HDGFL3: variants seen among roughly 807,000 people sequenced by gnomAD.
HDGFL3 encodes the protein hepatoma-derived growth factor-related protein 3.
Under a neutral mutation model 27.6 loss-of-function variants are expected in HDGFL3, and 6 were observed. The observed-to-expected ratio is 0.22, with a 90% CI of 0.12 to 0.43. The LOEUF (loss-of-function observed/expected upper bound fraction) is 0.43. HDGFL3 is among the 20% of genes least tolerant of loss of function. The probability of loss-of-function intolerance (pLI) is 1.00; values close to 1 mark genes in which losing one functional copy is unlikely to be tolerated. For missense variants in HDGFL3, 207 were observed against 250.1 expected, an observed-to-expected ratio of 0.83 and a Z score of 1.16; for synonymous variants, 88 against 88.9, an observed-to-expected ratio of 0.99 and a Z score of 0.05.
chr15:83,194,578 AT>A (rs532025326), intron 1 of HDGFL3, among the ~76,000 whole-genome samples: 5 of 151,940 alleles, frequency 3.3e-5, no homozygotes, highest in African/African-American at 9.7e-5. Flanking sequence ...TACAATTAAA[AT>A]TTTTTTTTAA....
chr15:83,150,915 T>A (rs2036955891), intron 5 of HDGFL3, among the ~76,000 whole-genome samples: 2 of 152,146 alleles, frequency 1.3e-5, no homozygotes, highest in African/African-American at 4.8e-5. Flanking sequence ...AATTTTGGGG[T>A]GGCATTTCAT....
chr15:83,121,030 A>G (rs1044462465), intron 3 of HDGFL3, among the ~76,000 whole-genome samples: 1 of 151,842 alleles, frequency 6.6e-6, no homozygotes, highest in African/African-American at 2.4e-5. Context: ...AGCCTGTTAC[A>G]TAGTGTGGAG....
At chr15:83,169,132 T>C (rs914723351) in intron 1 of HDGFL3, 35 of 389,276 alleles carry the variant, frequency 9.0e-5, no homozygotes, top group South Asian at 6.5e-4. Context: ...ATAAGAGCCA[T>C]ATATGATAAA....
intron 1 of HDGFL3, among the ~76,000 whole-genome samples, chr15:83,203,271 G>T (rs894843382): frequency 6.6e-6 from 1 of 152,032 alleles, no homozygotes; most frequent in Non-Finnish European, 1.5e-5. Context: ...GGTATGGGAA[G>T]AAAACAGAAT....
Position 83,157,515 on chromosome 15 carries a change from G to A in HDGFL3, c.359C>T (p.Ala120Val), listed in dbSNP as rs1168390472. Residue 120 changes from alanine (A) to valine (V), a missense_variant, in exon 4 of 6, where the codon GCA becomes GTA. Transcript: ENST00000299633. Reference protein sequence around the residue: ...TEGEGGNTADASSEEEGDRVE... With the variant: ...TEGEGGNTADVSSEEEGDRVE... Reference sequence around the variant, plus strand: ...TCTATCACCTTCTTCCTCACTGCTTGCATCTGCAGTATTTCCACCTTCTCC... The same window carrying A: ...TCTATCACCTTCTTCCTCACTGCTTACATCTGCAGTATTTCCACCTTCTCC... 6.2e-6 allele frequency: 10 copies of A among 1,613,166 alleles called. No individual in the cohort carries two copies. The highest frequency in any genetic ancestry group is 1.7e-5 in the Admixed American group (1 of 60,002).
At chr15:83,164,885 G>A (rs1422303202) in intron 1 of HDGFL3, among the ~76,000 whole-genome samples, 3 of 152,210 alleles carry the variant, frequency 2.0e-5, no homozygotes, top group Non-Finnish European at 4.4e-5. Flanking sequence ...CTCATGCCAT[G>A]ATTCGGCAGT....
In HDGFL3 at chr15:83,135,586, C is replaced by T. The variant is rs2036550724; in HGVS notation, c.*3684G>A. 6.6e-6 allele frequency: 1 copy of T among 152,084 alleles called. No individual in the cohort carries two copies. Among genetic ancestry groups the T allele is most frequent in the Admixed American group, 6.6e-5 (1 of 15,252 alleles). The allele number at this position is 152,084 out of a possible 1,614,324, so 9.4% of individuals were successfully genotyped here. A position where few individuals can be genotyped will look rare whatever the true frequency, so the allele number is the denominator to read the frequency against. ...AATTTTCTGACAGGAGCTTTTAATC[C>T]TGCTGTGGTCTGTTTTACCCTTTCC... On this transcript the variant is annotated 3_prime_UTR_variant, in exon 6 of 6. Coordinates refer to ENST00000299633, the MANE Select transcript of HDGFL3 (RefSeq NM_016073.4).
chr15:83,167,814 C>A (rs940957513), intron 1 of HDGFL3, among the ~76,000 whole-genome samples: 1 of 152,110 alleles, frequency 6.6e-6, no homozygotes, highest in Admixed American at 6.5e-5. Flanking sequence ...GATTTAAACT[C>A]AACACTTGGA....
At chr15:83,151,539 CT>C (rs2036963652) in intron 4 of HDGFL3, among the ~76,000 whole-genome samples, 178 bp from the exon 5 acceptor site, 1 of 152,136 alleles carries the variant, frequency 6.6e-6, no homozygotes, top group South Asian at 2.1e-4. Context: ...ATCATTTCAC[CT>C]CATTGGACCT....
intron 1 of HDGFL3, among the ~76,000 whole-genome samples, chr15:83,199,406 T>C (rs2037611340): frequency 6.6e-6 from 1 of 152,218 alleles, no homozygotes. Flanking sequence ...CTTAATCTTC[T>C]GTGAAACTCA....
At chr15:83,191,935 CTTTTTTTTTTTT>C (rs749998701) in intron 1 of HDGFL3, among the ~76,000 whole-genome samples, 12 of 106,716 alleles carry the variant, frequency 1.1e-4, no homozygotes, top group East Asian at 2.4e-4. Flanking sequence ...CTTATCTCTC[CTTTTTTTTTTTT>C]TTTTTTTTTT....
rs2037046310 is a variant in HDGFL3, at chr15:83,157,473, T to C, written c.401A>G (p.Lys134Arg). ...EEGDRVEEDG[K>R]GKRKNEKAGS... Reference sequence around the variant, plus strand: ...TGCTTTTTCATTCTTTCTTTTGCCTTTTCCATCTTCTTCTACTCTATCACC... The same window carrying C: ...TGCTTTTTCATTCTTTCTTTTGCCTCTTCCATCTTCTTCTACTCTATCACC... The change falls in exon 4 of 6, where the codon AAA becomes AGA. Residue 134 changes from lysine (K) to arginine (R), a missense_variant. Coordinates refer to ENST00000299633, the MANE Select transcript of HDGFL3 (RefSeq NM_016073.4). 6.2e-7 allele frequency: 1 copy of C among 1,613,374 alleles called. No individual in the cohort carries two copies. Among genetic ancestry groups the C allele is most frequent in the African/African-American group, 1.3e-5 (1 of 74,938 alleles).
At chr15:83,192,097 A>G (rs1468834109) in intron 1 of HDGFL3, among the ~76,000 whole-genome samples, 5 of 151,880 alleles carry the variant, frequency 3.3e-5, no homozygotes, top group Non-Finnish European at 7.4e-5. Context: ...GCCTGCCACC[A>G]CGCCTGGCTA....
intron 2 of HDGFL3, among the ~76,000 whole-genome samples, chr15:83,162,759 C>T (rs1294079205): frequency 1.3e-5 from 2 of 152,142 alleles, no homozygotes; most frequent in Non-Finnish European, 2.9e-5. Flanking sequence ...AGACAACAAG[C>T]TAAGAAAGTT....
Position 83,120,587 on chromosome 15 carries a change from C to CTT in HDGFL3, c.394-4848_394-4847dup, listed in dbSNP as rs993490763. Among the ~76,000 whole-genome samples, 64 of 125,918 alleles carry CTT rather than the reference C, an allele frequency of 5.1e-4. 1 individual carries two copies. The South Asian group carries it at 7.6e-3, about 15-fold the overall frequency. 82.6% of individuals were successfully genotyped at this position (125,918 alleles called of 152,430 possible). A position where few individuals can be genotyped will look rare whatever the true frequency, so the allele number is the denominator to read the frequency against. On this transcript the variant is annotated intron_variant, in intron 3 of 3. Coordinates refer to the HDGFL3 transcript ENST00000568294. ...CACTCAAGGTCAGCTCCAGCTAATT[C>CTT]TTTTTTTTTTTTTTTTTTTTTGAGA... is the stretch of plus-strand genomic sequence containing the variant.
intron 1 of HDGFL3, among the ~76,000 whole-genome samples, chr15:83,171,359 G>C (rs1208605959): frequency 6.6e-6 from 1 of 152,144 alleles, no homozygotes; most frequent in African/African-American, 2.4e-5. Context: ...CTTATGAATA[G>C]AACTACCATT....
intron 5 of HDGFL3, among the ~76,000 whole-genome samples, chr15:83,148,898 A>G (rs189477850): frequency 3.4e-4 from 52 of 152,292 alleles, no homozygotes; most frequent in Admixed American, 9.1e-4. Flanking sequence ...TTTCAAAAAG[A>G]AAAGGAAATA....
At position 83,136,771 on chromosome 15, in the gene HDGFL3, TAAG is replaced by T; in HGVS notation, c.*2496_*2498del. On this transcript the variant is annotated 3_prime_UTR_variant, in exon 6 of 6. Coordinates refer to ENST00000299633, the MANE Select transcript of HDGFL3 (RefSeq NM_016073.4). ...CACTCTCTTCTCATACGTGAGTACT[TAAG>T]AATATGTACATTCTTGCTCTGCACT... is the stretch of plus-strand genomic sequence containing the variant. The T allele has an allele frequency of 2.0e-6, 2 of 986,754 alleles. No homozygotes were observed. The highest frequency in any genetic ancestry group is 3.0e-6 in the Non-Finnish European group (2 of 667,824). 61.1% of individuals were successfully genotyped at this position (986,754 alleles called of 1,614,324 possible). A position where few individuals can be genotyped will look rare whatever the true frequency, so the allele number is the denominator to read the frequency against.
At chr15:83,164,172 A>G in intron 1 of HDGFL3, 97 bp from the exon 2 acceptor site, 1 of 791,696 alleles carries the variant, frequency 1.3e-6, no homozygotes. Flanking sequence ...AATAAAATCA[A>G]TCAAAACTCA....
Sources: gnomAD v4.1 joint callset for allele counts (sites outside exome capture counted in the v4.1 genomes callset) on GRCh38, gnomAD v4.1.1 for gene constraint, MANE v1.5 for transcripts, NCBI Gene and HGNC (gene_info 2026-07-23, HGNC 2026-07-21) for gene names.